HOOK1: variants seen among roughly 807,000 people sequenced by gnomAD.
HOOK1 encodes the protein hook microtubule tethering protein 1.
Under a neutral mutation model 112.8 loss-of-function variants are expected in HOOK1, and 60 were observed. The ratio of observed to expected loss-of-function variants is 0.53; its 90% CI spans 0.43 to 0.66. The LOEUF is 0.66. Among genes scored for constraint, HOOK1 ranks in the 30% least tolerant of loss-of-function variants. The pLI is 0.00. For synonymous variants in HOOK1, 294 were observed against 283.8 expected (o/e 1.04, Z -0.36); for missense variants, 770 against 856.0 (o/e 0.90, Z 1.25).
At chr1:59,861,032 T>C (rs1170710187) in intron 15 of HOOK1, among the ~76,000 whole-genome samples, 2 of 152,028 alleles carry the variant, frequency 1.3e-5, no homozygotes, top group African/African-American at 4.8e-5. Flanking sequence ...CACCCTGGCC[T>C]CCCAAAGTGC....
At chr1:59,847,254 T>C in intron 10 of HOOK1, 69 bp downstream of exon 10, 1 of 1,304,158 alleles carries the variant, frequency 7.7e-7, no homozygotes, top group Non-Finnish European at 1.1e-6. Flanking sequence ...GTATTTCATA[T>C]TTTAATCAGG....
chr1:59,868,244 A>C lies in HOOK1; in HGVS notation c.1846-6A>C. On this transcript the variant is annotated splice_polypyrimidine_tract_variant and splice_region_variant and intron_variant, in intron 19 of 21. Transcript: ENST00000371208. ...AAGTGAACATAGTATTTTTTTCTTTAAACAGGTAATAAAAACTTTGGATCC... is the reference window on the plus strand; with the variant it reads ...AAGTGAACATAGTATTTTTTTCTTTCAACAGGTAATAAAAACTTTGGATCC... 2.7e-6 allele frequency: 4 copies of C among 1,498,992 alleles called. No individual in the cohort carries two copies. In the South Asian group the frequency reaches 4.6e-5, roughly 17 times the overall value. The allele number at this position is 1,498,992 out of a possible 1,614,324, so 92.9% of individuals were successfully genotyped here.
At chr1:59,859,291 A>C (rs542102362) in intron 14 of HOOK1, among the ~76,000 whole-genome samples, 1 of 152,174 alleles carries the variant, frequency 6.6e-6, no homozygotes, top group African/African-American at 2.4e-5. Context: ...CATGACCCCC[A>C]TGTGCTATGT....
intron 8 of HOOK1, among the ~76,000 whole-genome samples, chr1:59,840,636 A>G (rs1358396670): frequency 2.0e-5 from 3 of 152,108 alleles, no homozygotes; most frequent in South Asian, 2.1e-4. Flanking sequence ...TAAAATTTCA[A>G]TTATTTAGAT....
Position 59,828,799 on chromosome 1 carries a change from G to C in HOOK1, c.169G>C (p.Glu57Gln), listed in dbSNP as rs144341495. The change falls in exon 3 of 22, where the codon GAA becomes CAA. Residue 57 changes from glutamate to glutamine, a missense_variant. By Grantham distance (29) the Glu-to-Gln change is conservative (BLOSUM62 2). Coordinates refer to ENST00000371208, the MANE Select transcript of HOOK1 (RefSeq NM_015888.6). ...TTTCAGTGATGCAGCTTGGTTTAAC[G>C]AATCTTGGTTAAGCCGAATTAAAGA... ...LHQIDAAWFNESWLSRIKEDV... is the reference protein window; with the variant it reads ...LHQIDAAWFNQSWLSRIKEDV... 1.2e-6 allele frequency: 2 copies of C among 1,612,894 alleles called. No homozygotes were observed. Among genetic ancestry groups the C allele is most frequent in the African/African-American group, 2.7e-5 (2 of 74,826 alleles).
chr1:59,820,463 G>A (rs570137179), intron 1 of HOOK1, among the ~76,000 whole-genome samples: 1 of 152,168 alleles, frequency 6.6e-6, no homozygotes, highest in South Asian at 2.1e-4. Context: ...TCTTTGCACT[G>A]CAAATCCAGT....
At chr1:59,828,129 A>C (rs2098391278) in intron 2 of HOOK1, among the ~76,000 whole-genome samples, 2 of 152,200 alleles carry the variant, frequency 1.3e-5, no homozygotes. Flanking sequence ...AAGTCTATTA[A>C]TGTAGTTCAC....
intron 1 of HOOK1, among the ~76,000 whole-genome samples, chr1:59,818,244 A>G (rs1357208186): frequency 6.6e-6 from 1 of 152,228 alleles, no homozygotes; most frequent in Non-Finnish European, 1.5e-5. Flanking sequence ...GAAGATTAAA[A>G]AAAGTTATGA....
At chr1:59,841,704 AG>A (rs925723081) in intron 8 of HOOK1, among the ~76,000 whole-genome samples, 3 of 152,176 alleles carry the variant, frequency 2.0e-5, no homozygotes, top group Non-Finnish European at 2.9e-5. Flanking sequence ...TGAGCCATTC[AG>A]GTATTACCAT....
intron 15 of HOOK1, among the ~76,000 whole-genome samples, chr1:59,860,650 T>A (rs1427803230): frequency 6.6e-6 from 1 of 152,122 alleles, no homozygotes; most frequent in Non-Finnish European, 1.5e-5. Flanking sequence ...AGTGGCGTGA[T>A]CTTTGCTCAT....
chr1:59,816,612 G>A (rs1158364521), intron 1 of HOOK1, among the ~76,000 whole-genome samples: 1 of 152,192 alleles, frequency 6.6e-6, no homozygotes, highest in Non-Finnish European at 1.5e-5. Flanking sequence ...AAAATATTAT[G>A]TGACTGTATC....
chr1:59,815,931 G>T (rs544422688), intron 1 of HOOK1, among the ~76,000 whole-genome samples: 193 of 152,218 alleles, frequency 1.3e-3, no homozygotes, highest in African/African-American at 4.3e-3. Flanking sequence ...AGGCATATCT[G>T]TCCCCAGATT....
At chr1:59,858,055 T>C (rs1343023232) in intron 12 of HOOK1, among the ~76,000 whole-genome samples, 1 of 152,216 alleles carries the variant, frequency 6.6e-6, no homozygotes, top group Non-Finnish European at 1.5e-5. Flanking sequence ...TTTGAAGTTA[T>C]GGATACTAAA....
intron 21 of HOOK1, among the ~76,000 whole-genome samples, chr1:59,872,511 C>G (rs1644070481): frequency 7.0e-6 from 1 of 143,274 alleles, no homozygotes; most frequent in African/African-American, 2.9e-5. Context: ...ATGGCCCAAA[C>G]ACAAAAATTT....
chr1:59,821,472 A>G (rs1471776313), intron 1 of HOOK1, among the ~76,000 whole-genome samples: 1 of 152,190 alleles, frequency 6.6e-6, no homozygotes, highest in Non-Finnish European at 1.5e-5. Flanking sequence ...ATCAAATGAT[A>G]TGAGTGAAAT....
rs560238030 is a variant in HOOK1, at chr1:59,835,505, C to T, written c.474+93C>T. 310 of 748,470 alleles carry T rather than the reference C, an allele frequency of 4.1e-4. 1 individual carries two copies. Among genetic ancestry groups the T allele is most frequent in the Admixed American group, 9.8e-4 (38 of 38,776 alleles). 46.4% of individuals were successfully genotyped at this position (748,470 alleles called of 1,614,324 possible). A position where few individuals can be genotyped will look rare whatever the true frequency, so the allele number is the denominator to read the frequency against. On this transcript the variant is annotated intron_variant, in intron 6 of 21. Coordinates refer to ENST00000371208, the MANE Select transcript of HOOK1 (RefSeq NM_015888.6). ...TATGCTTTTCTTTTTTAAAAACTTG[C>T]TCTTTGTTGTAAGTTTACTTCCCCT...
chr1:59,844,670 T>A (rs2098402729), intron 9 of HOOK1, among the ~76,000 whole-genome samples: 1 of 152,012 alleles, frequency 6.6e-6, no homozygotes, highest in Non-Finnish European at 1.5e-5. Context: ...ATAATTGATA[T>A]CTTAACTATA....
At chr1:59,836,820 T>C (rs2098398033) in intron 6 of HOOK1, 53 bp from the exon 7 acceptor site, 9 of 1,019,294 alleles carry the variant, frequency 8.8e-6, no homozygotes, top group Non-Finnish European at 1.2e-5. Flanking sequence ...AAATATATTT[T>C]ACTTCATAAA....
At chr1:59,847,218 A>G (rs2098404523) in intron 10 of HOOK1, 33 bp downstream of exon 10, 1 of 1,541,354 alleles carries the variant, frequency 6.5e-7, no homozygotes, top group Non-Finnish European at 8.8e-7. Flanking sequence ...TAATTATGCC[A>G]TTTCTGAGCT....
Sources: allele counts gnomAD v4.1 joint callset (sites outside exome capture counted in the v4.1 genomes callset), GRCh38; gene constraint gnomAD v4.1.1; transcripts MANE v1.5; gene names NCBI Gene and HGNC (gene_info 2026-07-23, HGNC 2026-07-21).